Variants in EPB41L3 observed in about 807,000 individuals in gnomAD.
EPB41L3 encodes erythrocyte membrane protein band 4.1 like 3.
EPB41L3 carries 57 observed loss-of-function variants against 127.1 expected under a neutral mutation model. That is an observed-to-expected ratio of 0.45 (90% CI 0.36 to 0.56). The LOEUF (loss-of-function observed/expected upper bound fraction) is 0.56. EPB41L3 is among the 20% of genes least tolerant of loss of function. EPB41L3 has a pLI of 0.00. For missense variants in EPB41L3, 1,273 were observed against 1,372.2 expected, an observed-to-expected ratio of 0.93 and a Z score of 1.14; for synonymous variants, 572 against 549.5, an observed-to-expected ratio of 1.04 and a Z score of -0.57.
At chr18:5,541,059 T>C (rs1339446779) in intron 1 of EPB41L3, among the ~76,000 whole-genome samples, 2 of 121,760 alleles carry the variant, frequency 1.6e-5, no homozygotes, top group African/African-American at 6.3e-5. Flanking sequence ...CACTCCAGCC[T>C]GGGCGACAGA....
intron 3 of EPB41L3, among the ~76,000 whole-genome samples, chr18:5,460,472 T>C (rs1173283167): frequency 6.6e-6 from 1 of 152,214 alleles, no homozygotes; most frequent in East Asian, 1.9e-4. Flanking sequence ...TACACATAGA[T>C]ATGTATTTGT....
chr18:5,607,758 C>A (rs373055024), intron 3 of EPB41L3, among the ~76,000 whole-genome samples: 1 of 152,092 alleles, frequency 6.6e-6, no homozygotes, highest in Admixed American at 6.5e-5. Context: ...TTAATATAAT[C>A]CCCCCTGTTC....
At chr18:5,566,094 G>A (rs1388595917) in intron 3 of EPB41L3, among the ~76,000 whole-genome samples, 1 of 152,066 alleles carries the variant, frequency 6.6e-6, no homozygotes. Flanking sequence ...TATTCAACAT[G>A]GTGTTGGAAG....
Position 5,530,785 on chromosome 18 carries a change from T to C in EPB41L3, c.-12+13128A>G, listed in dbSNP as rs546148873. Reference sequence around the variant, plus strand: ...ACACACCCACAGCTGGTAGGTGAGCTTCCTTTGTGTGCCTTTCATGCCCCA... The same window carrying C: ...ACACACCCACAGCTGGTAGGTGAGCCTCCTTTGTGTGCCTTTCATGCCCCA... On this transcript the variant is annotated intron_variant, in intron 1 of 22. Coordinates refer to ENST00000341928, the MANE Select transcript of EPB41L3 (RefSeq NM_012307.5). 6.6e-5 allele frequency among the ~76,000 whole-genome samples: 10 copies of C among 152,276 alleles called. No individual in the cohort carries two copies. In the South Asian group the frequency reaches 2.1e-3, roughly 32 times the overall value.
chr18:5,538,946 A>T (rs1453499459), intron 1 of EPB41L3, among the ~76,000 whole-genome samples: 1 of 151,724 alleles, frequency 6.6e-6, no homozygotes, highest in Non-Finnish European at 1.5e-5. Context: ...TGAGTCTGGT[A>T]ATTCTCATTT....
intron 16 of EPB41L3, chr18:5,400,202 G>T (rs183171595): frequency 8.1e-5 from 14 of 173,544 alleles, no homozygotes; most frequent in Non-Finnish European, 1.2e-4. Context: ...TTTCTTTAGT[G>T]TTAGTTCCAA....
intron 1 of EPB41L3, chr18:5,508,304 A>T (rs753173315): frequency 2.0e-5 from 3 of 152,212 alleles, no homozygotes; most frequent in Admixed American, 6.5e-5. Flanking sequence ...AAAGGGAATG[A>T]TTTACTATTA....
rs367552570 is a variant in EPB41L3 at position 5,424,276 on chromosome 18, A to G, written c.1149T>C (p.His383=). 2.4e-5 allele frequency: 39 copies of G among 1,599,368 alleles called. No homozygotes were observed. The highest frequency in any genetic ancestry group is 3.2e-5 in the Non-Finnish European group (37 of 1,173,642). ...AKRLWKVCVE[H]HTFFRLLLPE... Reference sequence around the variant, plus strand: ...TCTCTTCCTACCTGAAAAATGTATGATGCTCAACACATACTTTCCATAAAC... The same window carrying G: ...TCTCTTCCTACCTGAAAAATGTATGGTGCTCAACACATACTTTCCATAAAC... The change falls in exon 10 of 23, where the codon CAT becomes CAC. Residue 383 remains histidine (H), a synonymous_variant. Transcript: ENST00000341928.
intron 1 of EPB41L3, among the ~76,000 whole-genome samples, chr18:5,495,893 T>C (rs1020697018): frequency 5.9e-5 from 9 of 152,168 alleles, no homozygotes; most frequent in African/African-American, 2.2e-4. Context: ...AAAGAAATGT[T>C]GCGAAGTGAA....
At chr18:5,469,410 A>G (rs1477174731) in intron 3 of EPB41L3, among the ~76,000 whole-genome samples, 4 of 152,150 alleles carry the variant, frequency 2.6e-5, no homozygotes, top group African/African-American at 9.7e-5. Flanking sequence ...TGCCTGTGCC[A>G]GTGCCTGGAG....
chr18:5,621,361 C>T (rs941629623), intron 1 of EPB41L3, among the ~76,000 whole-genome samples: 3 of 152,104 alleles, frequency 2.0e-5, no homozygotes, highest in African/African-American at 7.2e-5. Flanking sequence ...CAAAGAAGTA[C>T]AGTTTTATTA....
chr18:5,487,310 A>T (rs2089914115), intron 2 of EPB41L3, among the ~76,000 whole-genome samples: 1 of 152,000 alleles, frequency 6.6e-6, no homozygotes, highest in Non-Finnish European at 1.5e-5. Flanking sequence ...AATGGTGATT[A>T]CGTGAGGCTG....
At chr18:5,546,660 C>T (rs1256692085), upstream of EPB41L3, among the ~76,000 whole-genome samples, 1 of 152,176 alleles carries the variant, frequency 6.6e-6, no homozygotes, top group African/African-American at 2.4e-5. Flanking sequence ...CTTTGGAATC[C>T]TCTGGATTTA....
At chr18:5,407,470 A>AT (rs1298219653) in intron 15 of EPB41L3, 1 of 569,460 alleles carries the variant, frequency 1.8e-6, no homozygotes, top group Non-Finnish European at 3.1e-6. Context: ...TGACATACAC[A>AT]TTTTCACCCT....
intron 1 of EPB41L3, among the ~76,000 whole-genome samples, chr18:5,539,193 C>T (rs984736137): frequency 1.3e-5 from 2 of 151,904 alleles, no homozygotes; most frequent in Non-Finnish European, 2.9e-5. Context: ...AATATATACT[C>T]AAGGCAGGTT....
At chr18:5,504,153 T>A (rs1211275220) in intron 1 of EPB41L3, among the ~76,000 whole-genome samples, 2 of 152,216 alleles carry the variant, frequency 1.3e-5, no homozygotes, top group African/African-American at 4.8e-5. Context: ...CCCAGCTACC[T>A]TCAGTTTCAG....
At chr18:5,427,015 A>C (rs1446585045) in intron 9 of EPB41L3, among the ~76,000 whole-genome samples, 1 of 151,960 alleles carries the variant, frequency 6.6e-6, no homozygotes, top group Non-Finnish European at 1.5e-5. Flanking sequence ...TTTTTTTGTT[A>C]TTTTTGAGAC....
chr18:5,582,264 C>G (rs897529155), intron 3 of EPB41L3, among the ~76,000 whole-genome samples: 8 of 152,186 alleles, frequency 5.3e-5, no homozygotes, highest in African/African-American at 1.9e-4. Context: ...TAACATGACA[C>G]CAGGCTAGAA....
intron 13 of EPB41L3, among the ~76,000 whole-genome samples, chr18:5,414,149 T>C (rs369340796): frequency 6.6e-6 from 1 of 152,230 alleles, no homozygotes; most frequent in South Asian, 2.1e-4. Context: ...AGCTAATAAA[T>C]AATAACATTG....
Sources: allele counts gnomAD v4.1 joint callset (sites outside exome capture counted in the v4.1 genomes callset), GRCh38; gene constraint gnomAD v4.1.1; transcripts MANE v1.5; gene names NCBI Gene and HGNC (gene_info 2026-07-23, HGNC 2026-07-21).